Variants in CNTN4 observed in about 807,000 individuals in gnomAD.
CNTN4 encodes contactin-4.
CNTN4 carries 77 observed loss-of-function variants against 122.5 expected under a neutral mutation model. The ratio of observed to expected loss-of-function variants is 0.63; its 90% CI spans 0.52 to 0.76. The LOEUF (loss-of-function observed/expected upper bound fraction) is 0.76, where lower values mean the gene tolerates loss of function less well. Among genes scored for constraint, CNTN4 ranks in the 30% least tolerant of loss-of-function variants. The pLI is 0.00. For missense variants in CNTN4, 1,256 were observed against 1,259.1 expected (o/e 1.00, Z 0.04); for synonymous variants, 512 against 447.0 (o/e 1.15, Z -1.83).
chr3:2,758,073 T>G (rs552700507), intron 6 of CNTN4, among the ~76,000 whole-genome samples: 2 of 152,206 alleles, frequency 1.3e-5, no homozygotes, highest in African/African-American at 4.8e-5. Flanking sequence ...ATCTGTTAGC[T>G]CTACCTCATA....
chr3:2,556,837 T>C (rs549078213), intron 3 of CNTN4, among the ~76,000 whole-genome samples: 21 of 152,284 alleles, frequency 1.4e-4, no homozygotes, highest in African/African-American at 5.1e-4. Flanking sequence ...GTTTAGTTAG[T>C]GGCTGCTATG....
intron 3 of CNTN4, among the ~76,000 whole-genome samples, chr3:2,420,263 G>A (rs2047566305): frequency 6.6e-6 from 1 of 152,062 alleles, no homozygotes; most frequent in South Asian, 2.1e-4. Context: ...CTTCATATAA[G>A]GAGAAAGAAA....
At chr3:2,728,947 C>T (rs1300587793) in intron 4 of CNTN4, among the ~76,000 whole-genome samples, 1 of 152,182 alleles carries the variant, frequency 6.6e-6, no homozygotes, top group African/African-American at 2.4e-5. Flanking sequence ...GTTATGGCAG[C>T]ACTTCATACC....
intron 3 of CNTN4, among the ~76,000 whole-genome samples, chr3:2,405,667 A>G (rs1007484792): frequency 1.3e-5 from 2 of 152,180 alleles, no homozygotes; most frequent in African/African-American, 4.8e-5. Context: ...TCCTTCCAGA[A>G]GAATTATAAT....
intron 5 of CNTN4, among the ~76,000 whole-genome samples, chr3:2,743,268 A>G (rs927287795): frequency 2.7e-5 from 4 of 146,710 alleles, no homozygotes; most frequent in African/African-American, 5.3e-5. Context: ...CAGCTGACTC[A>G]AAAAAAAAAT....
intron 2 of CNTN4, among the ~76,000 whole-genome samples, chr3:2,335,299 AT>A (rs11307031): frequency 0.09 from 11,993 of 133,124 alleles, 535 homozygotes; most frequent in Middle Eastern, 0.095. Context: ...ATTTTTCATG[AT>A]TAAAAAAATG....
At chr3:2,803,457 G>A (rs2092393894) in intron 6 of CNTN4, among the ~76,000 whole-genome samples, 1 of 152,128 alleles carries the variant, frequency 6.6e-6, no homozygotes, top group African/African-American at 2.4e-5. Context: ...GTAAGACACA[G>A]GCTTTTTATA....
chr3:2,913,627 C>T (rs79862211), intron 12 of CNTN4, among the ~76,000 whole-genome samples: 30 of 152,284 alleles, frequency 2.0e-4, no homozygotes, highest in African/African-American at 6.7e-4. Flanking sequence ...TGTTAGAAAT[C>T]TGTATGCACC....
chr3:2,180,405 T>C (rs983198993), intron 2 of CNTN4, among the ~76,000 whole-genome samples: 1 of 152,014 alleles, frequency 6.6e-6, no homozygotes, highest in Non-Finnish European at 1.5e-5. Context: ...ATAGTAGAAC[T>C]GGGATTCAAA....
chr3:2,224,876 C>T lies in CNTN4; in HGVS notation c.-144-114302C>T, dbSNP rs141831065. Among the ~76,000 whole-genome samples the T allele has an allele frequency of 5.4e-3, 827 of 152,254 alleles. 5 individuals are homozygous for T. Among genetic ancestry groups the T allele is most frequent in the Non-Finnish European group, 9.6e-3 (653 of 68,018 alleles). On this transcript the variant is annotated intron_variant, in intron 2 of 24. Transcript: ENST00000418658. ...TAGAAGTACTAAGGTTTGGGTCGGG[C>T]GCGGTGGCTCACGCCTGTAATCCCA...
chr3:2,604,968 C>T lies in CNTN4; in HGVS notation c.55+33410C>T, dbSNP rs557241834. Among the ~76,000 whole-genome samples the T allele has an allele frequency of 1.1e-3, 167 of 152,082 alleles. 2 individuals are homozygous for T. The highest frequency in any genetic ancestry group is 3.7e-3 in the African/African-American group (154 of 41,478). On this transcript the variant is annotated intron_variant, in intron 4 of 24. Coordinates refer to ENST00000418658, the MANE Select transcript of CNTN4 (RefSeq NM_175607.3). Reference sequence around the variant, plus strand: ...TGCTCTATATTGTAGGGGAGATCTCCAGAACTTATTAATATTTTGCATAAC... The same window carrying T: ...TGCTCTATATTGTAGGGGAGATCTCTAGAACTTATTAATATTTTGCATAAC...
chr3:2,540,380 A>C (rs767228664), intron 3 of CNTN4, among the ~76,000 whole-genome samples: 2 of 151,738 alleles, frequency 1.3e-5, no homozygotes, highest in Non-Finnish European at 2.9e-5. Context: ...GTGGGCATGG[A>C]GTGTTAATTT....
At chr3:2,353,720 A>T (rs764250669) in intron 3 of CNTN4, among the ~76,000 whole-genome samples, 1 of 152,052 alleles carries the variant, frequency 6.6e-6, no homozygotes, top group African/African-American at 2.4e-5. Context: ...TTCTGGACAC[A>T]CCGTCTCTAC....
chr3:2,615,108 T>C (rs1488998109), intron 4 of CNTN4, among the ~76,000 whole-genome samples: 1 of 152,128 alleles, frequency 6.6e-6, no homozygotes, highest in East Asian at 1.9e-4. Flanking sequence ...TGAAAATTTG[T>C]TTTTGCACAT....
At chr3:2,192,570 G>C (rs1220365917) in intron 2 of CNTN4, among the ~76,000 whole-genome samples, 1 of 151,994 alleles carries the variant, frequency 6.6e-6, no homozygotes, top group Non-Finnish European at 1.5e-5. Flanking sequence ...AATCTACAAA[G>C]AACTCAAACA....
chr3:2,193,500 A>T (rs569706152), intron 2 of CNTN4, among the ~76,000 whole-genome samples: 1 of 152,214 alleles, frequency 6.6e-6, no homozygotes, highest in Admixed American at 6.5e-5. Flanking sequence ...TAGTAAAGAG[A>T]TGTGATAACT....
intron 2 of CNTN4, among the ~76,000 whole-genome samples, chr3:2,131,227 G>C (rs1559272462): frequency 6.6e-6 from 1 of 152,112 alleles, no homozygotes; most frequent in Non-Finnish European, 1.5e-5. Context: ...GTAAGAAAGT[G>C]GTAGAGTTAC....
intron 4 of CNTN4, among the ~76,000 whole-genome samples, chr3:2,705,732 T>C (rs1377915736): frequency 2.0e-5 from 2 of 99,380 alleles, no homozygotes; most frequent in African/African-American, 8.5e-5. Context: ...ATATAAAATA[T>C]ATATGATATA....
At chr3:2,831,338 C>T (rs2093100404) in intron 7 of CNTN4, among the ~76,000 whole-genome samples, 1 of 152,168 alleles carries the variant, frequency 6.6e-6, no homozygotes, top group Admixed American at 6.5e-5. Flanking sequence ...TGCAGTTCTC[C>T]ATATCCACTA....
Sources: allele counts gnomAD v4.1 joint callset (sites outside exome capture counted in the v4.1 genomes callset), GRCh38; gene constraint gnomAD v4.1.1; transcripts MANE v1.5; gene names NCBI Gene and HGNC (gene_info 2026-07-23, HGNC 2026-07-21).